Variants in ADAM7 observed in about 807,000 individuals in gnomAD.
ADAM7 encodes ADAM metallopeptidase domain 7.
Under a neutral mutation model 102.9 loss-of-function variants are expected in ADAM7, and 97 were observed. The ratio of observed to expected loss-of-function variants is 0.94; its 90% CI spans 0.80 to 1.12. The LOEUF (loss-of-function observed/expected upper bound fraction) is 1.12. Ranked by LOEUF, ADAM7 falls within the 50% of genes most tolerant of loss-of-function variation. The pLI is 0.00. For synonymous variants in ADAM7, 334 were observed against 304.4 expected (o/e 1.10, Z -1.01); for missense variants, 991 against 908.7 (o/e 1.09, Z -1.16).
At chr8:24,452,494 G>A (rs1446695843) in intron 3 of ADAM7, among the ~76,000 whole-genome samples, 12 of 151,438 alleles carry the variant, frequency 7.9e-5, no homozygotes, top group African/African-American at 1.2e-4. Flanking sequence ...TTTGTTTTCC[G>A]TTTGTTTGGT....
intron 3 of ADAM7, among the ~76,000 whole-genome samples, chr8:24,448,524 G>A (rs1174421580): frequency 1.3e-5 from 2 of 152,072 alleles, no homozygotes; most frequent in African/African-American, 4.8e-5. Flanking sequence ...CTAAATCTGT[G>A]AATATTATGT....
At chr8:24,480,395 C>T (rs891610728) in intron 8 of ADAM7, among the ~76,000 whole-genome samples, 4 of 152,056 alleles carry the variant, frequency 2.6e-5, no homozygotes, top group South Asian at 2.1e-4. Flanking sequence ...CCCATACTCA[C>T]GTTATTTCAC....
At chr8:24,443,909 G>A (rs1324961920) in intron 2 of ADAM7, among the ~76,000 whole-genome samples, 1 of 150,746 alleles carries the variant, frequency 6.6e-6, no homozygotes, top group African/African-American at 2.4e-5. Context: ...GCTCCAGCCT[G>A]GGCAACAGAG....
intron 7 of ADAM7, among the ~76,000 whole-genome samples, chr8:24,475,508 A>T (rs1308643590): frequency 6.6e-6 from 1 of 152,182 alleles, no homozygotes; most frequent in Non-Finnish European, 1.5e-5. Context: ...AATGTATTTG[A>T]TAATTAAGAG....
At chr8:24,467,671 T>C (rs1309373064) in intron 6 of ADAM7, 1 of 152,254 alleles carries the variant, frequency 6.6e-6, no homozygotes, top group Non-Finnish European at 1.5e-5. Context: ...CTTTGAACAA[T>C]TTACCTCTGT....
chr8:24,486,041 T>G (rs1389209516), intron 10 of ADAM7, among the ~76,000 whole-genome samples: 1 of 152,200 alleles, frequency 6.6e-6, no homozygotes, highest in African/African-American at 2.4e-5. Flanking sequence ...TGTGTATAGC[T>G]TTTCCTATGG....
chr8:24,473,689 G>A (rs1819679792), intron 7 of ADAM7, among the ~76,000 whole-genome samples: 1 of 152,032 alleles, frequency 6.6e-6, no homozygotes, highest in Non-Finnish European at 1.5e-5. Context: ...GATCTTATGA[G>A]AAAGTAAAAT....
intron 3 of ADAM7, among the ~76,000 whole-genome samples, chr8:24,462,181 G>A (rs1420635592): frequency 1.3e-5 from 2 of 152,150 alleles, no homozygotes; most frequent in Non-Finnish European, 2.9e-5. Context: ...TGTCTTTTGG[G>A]TGGCATCAAA....
chr8:24,462,812 A>G (rs76277208), intron 3 of ADAM7, among the ~76,000 whole-genome samples: 10,216 of 152,262 alleles, frequency 0.067, 535 homozygotes, highest in African/African-American at 0.14. Flanking sequence ...ATAAATAAAA[A>G]TGAAAAGTCC....
chr8:24,466,085 C>A (rs1050335174), intron 5 of ADAM7, among the ~76,000 whole-genome samples: 1 of 152,222 alleles, frequency 6.6e-6, no homozygotes, highest in African/African-American at 2.4e-5. Flanking sequence ...AAATTAGAAG[C>A]TTTCTCCTGA....
intron 13 of ADAM7, 111 bp from the exon 14 acceptor site, chr8:24,491,792 G>A (rs1192899284): frequency 2.7e-6 from 2 of 753,602 alleles, no homozygotes; most frequent in Non-Finnish European, 4.1e-6. Context: ...AGGAAGCTAT[G>A]ATCCATCCTT....
Position 24,466,804 on chromosome 8 carries a change from T to C in ADAM7, c.395T>C (p.Phe132Ser). 1 of 1,611,794 alleles carries C rather than the reference T, an allele frequency of 6.2e-7. No individual in the cohort carries two copies. Among genetic ancestry groups the C allele is most frequent in the Non-Finnish European group, 8.5e-7 (1 of 1,179,352 alleles). The stretch of plus-strand genomic sequence containing the variant: ...TGTGTTCCCAATTTCTACAGGGGAT[T>C]CTTCAGAATAAACGACCAAAGATAC... ...SISTCNGLRG[F>S]FRINDQRYLI... The change falls in exon 6 of 22, where the codon TTC (phenylalanine) becomes TCC (serine). Residue 132 changes from phenylalanine (F) to serine (S), a missense_variant. By Grantham distance (155) the Phe-to-Ser change is radical. Coordinates refer to ENST00000175238, the MANE Select transcript of ADAM7 (RefSeq NM_003817.4).
chr8:24,491,857 T>C (rs1411015838), intron 13 of ADAM7, 46 bp from the exon 14 acceptor site: 1 of 1,459,192 alleles, frequency 6.9e-7, no homozygotes. Context: ...AAACCTTACC[T>C]ACCTAAATGT....
chr8:24,483,582 A>C (rs537083303), intron 9 of ADAM7, among the ~76,000 whole-genome samples: 43 of 152,324 alleles, frequency 2.8e-4, no homozygotes, highest in Non-Finnish European at 6.3e-4. Context: ...ATGAGAGTGC[A>C]TCAGACCTCC....
intron 3 of ADAM7, among the ~76,000 whole-genome samples, 171 bp from the exon 4 acceptor site, chr8:24,463,711 G>C (rs75467777): frequency 0.028 from 4,279 of 152,200 alleles, 103 homozygotes; most frequent in Non-Finnish European, 0.039. Context: ...TGATATTTAA[G>C]TAGAAAGGCT....
intron 8 of ADAM7, among the ~76,000 whole-genome samples, chr8:24,480,750 A>G (rs541149383): frequency 6.6e-6 from 1 of 152,194 alleles, no homozygotes; most frequent in East Asian, 1.9e-4. Flanking sequence ...CATTAAGATT[A>G]GGGTCAAGAT....
chr8:24,442,650 A>C (rs566707205), intron 2 of ADAM7, 74 bp downstream of exon 2: 39 of 1,152,660 alleles, frequency 3.4e-5, no homozygotes, highest in Non-Finnish European at 5.1e-5. Flanking sequence ...AGCTCCAACC[A>C]GAAGCAAATA....
At chr8:24,495,892 G>A (rs148612792) in intron 16 of ADAM7, among the ~76,000 whole-genome samples, 1 of 152,358 alleles carries the variant, frequency 6.6e-6, no homozygotes, top group African/African-American at 2.4e-5. Context: ...CATTTTCTGA[G>A]GAGAAATTGA....
chr8:24,485,079 T>C (rs539890767), intron 9 of ADAM7, among the ~76,000 whole-genome samples, 198 bp from the exon 10 acceptor site: 2 of 152,226 alleles, frequency 1.3e-5, no homozygotes, highest in South Asian at 4.1e-4. Context: ...CACTGGCTTT[T>C]TCAATGCCTC....
Sources: gnomAD v4.1 joint callset for allele counts (sites outside exome capture counted in the v4.1 genomes callset) on GRCh38, gnomAD v4.1.1 for gene constraint, MANE v1.5 for transcripts, NCBI Gene and HGNC (gene_info 2026-07-23, HGNC 2026-07-21) for gene names.